The following PRSS23 variants were observed in gnomAD, a reference collection of about 807,000 sequenced individuals.
The protein encoded by PRSS23 is protease, serine 23.
Under a neutral mutation model 34.7 loss-of-function variants are expected in PRSS23, and 25 were observed. The ratio of observed to expected loss-of-function variants is 0.72; its 90% CI spans 0.53 to 1.01. The LOEUF (loss-of-function observed/expected upper bound fraction) is 1.01, where lower values mean the gene tolerates loss of function less well. PRSS23 is among the 50% of genes least tolerant of loss of function. PRSS23 has a pLI of 0.00. For missense variants in PRSS23, 445 were observed against 475.6 expected (o/e 0.94, Z 0.60); for synonymous variants, 176 against 186.6 (o/e 0.94, Z 0.46).
intron 2 of PRSS23, among the ~76,000 whole-genome samples, chr11:86,873,129 G>A (rs774678337): frequency 6.6e-6 from 1 of 151,250 alleles, no homozygotes; most frequent in Non-Finnish European, 1.5e-5. Context: ...GTCCATTTGA[G>A]AATAGTTCTT....
intron 2 of PRSS23, among the ~76,000 whole-genome samples, chr11:86,831,120 A>G (rs1948351907): frequency 1.3e-5 from 2 of 152,036 alleles, no homozygotes; most frequent in African/African-American, 4.8e-5. Flanking sequence ...ATGTCACAGA[A>G]GGTGTACACT....
chr11:86,929,347 C>G (rs909494242), intron 2 of PRSS23, among the ~76,000 whole-genome samples: 1 of 147,014 alleles, frequency 6.8e-6, no homozygotes, highest in African/African-American at 2.5e-5. Flanking sequence ...AAAAAAAAAA[C>G]CCCACAAACT....
intron 2 of PRSS23, chr11:86,933,421 G>A (rs1949139640): frequency 6.6e-6 from 1 of 152,138 alleles, no homozygotes; most frequent in African/African-American, 2.4e-5. Context: ...CAAATCCAAG[G>A]CTTTACTTTG....
chr11:86,821,786 C>T, intron 1 of PRSS23: 1 of 954,106 alleles, frequency 1.0e-6, no homozygotes, highest in South Asian at 1.6e-5. Flanking sequence ...CCCGTTCCGC[C>T]TCAGCACGCT....
chr11:86,931,838 TAA>T (rs66597297), intron 2 of PRSS23, among the ~76,000 whole-genome samples: 1 of 151,444 alleles, frequency 6.6e-6, no homozygotes, highest in African/African-American at 2.4e-5. Context: ...CAATTTTTTT[TAA>T]AAAAAAGAGT....
chr11:86,908,742 G>T (rs11820447), intron 2 of PRSS23, among the ~76,000 whole-genome samples: 247 of 152,190 alleles, frequency 1.6e-3, no homozygotes, highest in African/African-American at 5.5e-3. Context: ...AGTGGTGTGA[G>T]GGGGGTGGGG....
At position 86,809,476 on chromosome 11, in the gene PRSS23, C is replaced by A. The variant is rs997340278; in HGVS notation, c.*681C>A. 6.0e-6 allele frequency: 1 copy of A among 167,088 alleles called. No homozygotes were observed. Among genetic ancestry groups the A allele is most frequent in the Admixed American group, 6.5e-5 (1 of 15,282 alleles). The allele number at this position is 167,088 out of a possible 1,614,324, so 10.4% of individuals were successfully genotyped here. On this transcript the variant is annotated 3_prime_UTR_variant, in exon 2 of 2. Coordinates refer to ENST00000280258, the MANE Select transcript of PRSS23 (RefSeq NM_007173.6). ...ATAGTTTCTTTTCCAAAGGTTGTTG[C>A]TCTACTTTGTAGGAAGTCTTTGCAT...
intron 2 of PRSS23, among the ~76,000 whole-genome samples, chr11:86,855,797 G>C (rs1948565992): frequency 6.6e-6 from 1 of 152,088 alleles, no homozygotes; most frequent in Non-Finnish European, 1.5e-5. Flanking sequence ...CACCACCCCT[G>C]GCCAAGATTT....
chr11:86,891,877 G>A (rs976402382), intron 2 of PRSS23, among the ~76,000 whole-genome samples: 11 of 152,094 alleles, frequency 7.2e-5, no homozygotes, highest in Admixed American at 6.6e-4. Flanking sequence ...TTGTGAATAA[G>A]GTGCGCTTCC....
intron 2 of PRSS23, among the ~76,000 whole-genome samples, chr11:86,861,471 T>A (rs1948614586): frequency 6.6e-6 from 1 of 151,214 alleles, no homozygotes; most frequent in Non-Finnish European, 1.5e-5. Context: ...GGTGGGGAAG[T>A]GTATGATATA....
chr11:86,841,898 C>A (rs753678006), intron 2 of PRSS23, among the ~76,000 whole-genome samples: 4 of 152,110 alleles, frequency 2.6e-5, no homozygotes, highest in Admixed American at 6.5e-5. Context: ...TTCCAATCAA[C>A]AGAAAAAGAG....
intron 1 of PRSS23, among the ~76,000 whole-genome samples, chr11:86,819,548 C>A (rs1948238411): frequency 6.6e-6 from 1 of 152,036 alleles, no homozygotes; most frequent in African/African-American, 2.4e-5. Flanking sequence ...TCACTGTGAA[C>A]ATAAGGCTTC....
chr11:86,865,234 G>A (rs143445421), intron 2 of PRSS23, among the ~76,000 whole-genome samples: 32 of 152,322 alleles, frequency 2.1e-4, no homozygotes, highest in African/African-American at 7.2e-4. Context: ...CAGGCAAGTT[G>A]AGGTTTCAAT....
chr11:86,845,372 T>C (rs1451772018), intron 2 of PRSS23, among the ~76,000 whole-genome samples: 1 of 152,220 alleles, frequency 6.6e-6, no homozygotes, highest in Non-Finnish European at 1.5e-5. Flanking sequence ...TTGAATTGTA[T>C]GGAGATTAAG....
chr11:86,840,621 C>G (rs1430760702), intron 2 of PRSS23, among the ~76,000 whole-genome samples: 10 of 152,212 alleles, frequency 6.6e-5, no homozygotes, highest in Admixed American at 6.5e-4. Flanking sequence ...TAATAGACAT[C>G]TACAGAACTC....
chr11:86,875,644 T>C (rs1239321374), intron 2 of PRSS23, among the ~76,000 whole-genome samples: 2 of 152,162 alleles, frequency 1.3e-5, no homozygotes, highest in Non-Finnish European at 2.9e-5. Context: ...AACCCTTCGA[T>C]TAAAAATTTA....
At chr11:86,813,587 C>T (rs1385039470), downstream of PRSS23, among the ~76,000 whole-genome samples, 1 of 152,232 alleles carries the variant, frequency 6.6e-6, no homozygotes, top group African/African-American at 2.4e-5. Flanking sequence ...CTAGGGCCCA[C>T]AGCAGTTTCA....
intron 2 of PRSS23, among the ~76,000 whole-genome samples, chr11:86,907,524 T>A (rs931350324): frequency 6.6e-6 from 1 of 152,156 alleles, no homozygotes; most frequent in Non-Finnish European, 1.5e-5. Flanking sequence ...TAGAGCACAC[T>A]GTGCCATCAT....
At chr11:86,939,393 T>TA (rs778076028) in intron 2 of PRSS23, among the ~76,000 whole-genome samples, 921 of 83,806 alleles carry the variant, frequency 0.011, 16 homozygotes, top group East Asian at 0.052. Flanking sequence ...ATTTCTCAGT[T>TA]AAAAAAAAAA....
Sources: gnomAD v4.1 joint callset for allele counts (sites outside exome capture counted in the v4.1 genomes callset) on GRCh38, gnomAD v4.1.1 for gene constraint, MANE v1.5 for transcripts, NCBI Gene and HGNC (gene_info 2026-07-23, HGNC 2026-07-21) for gene names.